The following YWHAE variants were observed in gnomAD, a reference collection of about 807,000 sequenced individuals.
The protein encoded by YWHAE is 14-3-3 protein epsilon.
YWHAE carries 4 observed loss-of-function variants against 30.1 expected under a neutral mutation model. That is an observed-to-expected ratio of 0.13 (90% confidence interval 0.07 to 0.30). YWHAE has a LOEUF of 0.30. Ranked by LOEUF, YWHAE falls within the 10% of genes least tolerant of loss-of-function variation. YWHAE has a pLI of 1.00. For missense variants in YWHAE, 121 were observed against 315.9 expected (o/e 0.38, Z 4.68); for synonymous variants, 118 against 111.8 (o/e 1.06, Z -0.35).
intron 1 of YWHAE, among the ~76,000 whole-genome samples, chr17:1,397,456 C>T (rs2073491455): frequency 6.6e-6 from 1 of 152,080 alleles, no homozygotes; most frequent in Admixed American, 6.6e-5. Flanking sequence ...TTAAATAATC[C>T]ATATAAATTG....
chr17:1,390,149 T>G (rs569577965), intron 1 of YWHAE, among the ~76,000 whole-genome samples: 1 of 152,154 alleles, frequency 6.6e-6, no homozygotes, highest in Non-Finnish European at 1.5e-5. Context: ...CAGCCTACAT[T>G]TTCATATTAC....
At chr17:1,379,135 G>A (rs1373910569) in intron 1 of YWHAE, among the ~76,000 whole-genome samples, 1 of 152,066 alleles carries the variant, frequency 6.6e-6, no homozygotes, top group African/African-American at 2.4e-5. Context: ...TCACTTTAAG[G>A]TTGACTATAC....
chr17:1,346,093 A>T (rs1003508732), intron 5 of YWHAE, among the ~76,000 whole-genome samples: 5 of 152,178 alleles, frequency 3.3e-5, no homozygotes, highest in Admixed American at 2.0e-4. Flanking sequence ...CTCAAAGTAA[A>T]TCAGACCACT....
At chr17:1,354,163 A>C (rs2072688449) in intron 5 of YWHAE, 48 bp downstream of exon 5, 1 of 1,598,592 alleles carries the variant, frequency 6.3e-7, no homozygotes, top group Non-Finnish European at 8.5e-7. Flanking sequence ...GAGTACAAAC[A>C]AATCCTGCAA....
chr17:1,394,439 A>G (rs2073434056), intron 1 of YWHAE, among the ~76,000 whole-genome samples: 1 of 48,292 alleles, frequency 2.1e-5, no homozygotes, highest in Admixed American at 3.4e-4. Flanking sequence ...AAATCCACAA[A>G]AAAAAAAAAA....
chr17:1,363,364 C>G (rs2072892775), intron 2 of YWHAE, among the ~76,000 whole-genome samples: 1 of 152,160 alleles, frequency 6.6e-6, no homozygotes, highest in African/African-American at 2.4e-5. Flanking sequence ...CTCCTGGGTT[C>G]AAGCGATTCT....
At position 1,354,218 on chromosome 17, in the gene YWHAE, C is replaced by G. The variant is rs1433901047; in HGVS notation, c.708G>C (p.Gln236His). ...DNLTLWTSDM[Q>H]GDGEEQNKEA... ...CACTCCGTGCTTGCTTACCGTCACCCTGCATGTCTGAAGTCCATAGTGTCA... is the reference window on the plus strand; with the variant it reads ...CACTCCGTGCTTGCTTACCGTCACCGTGCATGTCTGAAGTCCATAGTGTCA... The change falls in exon 5 of 6, where the codon CAG becomes CAC. Residue 236 changes from glutamine to histidine, a missense_variant. Physicochemically the swap from Gln to His is conservative, Grantham distance 24 (BLOSUM62 0). Around this residue, in one of 2 missense-constraint regions of YWHAE, gnomAD observed 22 missense variants for 26.6 expected, o/e 0.83. Transcript: ENST00000264335. The G allele has an allele frequency of 6.2e-7, 1 of 1,613,400 alleles. No homozygotes were observed. The highest frequency in any genetic ancestry group is 8.5e-7 in the Non-Finnish European group (1 of 1,179,780).
At chr17:1,378,235 G>A (rs1371381776) in intron 1 of YWHAE, among the ~76,000 whole-genome samples, 1 of 152,184 alleles carries the variant, frequency 6.6e-6, no homozygotes, top group Non-Finnish European at 1.5e-5. Context: ...GGATACTTCT[G>A]ACCCCATGAA....
chr17:1,390,615 G>A (rs2073375457), intron 1 of YWHAE, among the ~76,000 whole-genome samples: 1 of 152,206 alleles, frequency 6.6e-6, no homozygotes, highest in Non-Finnish European at 1.5e-5. Context: ...CCATTTGAAA[G>A]ATAAGGAACC....
At chr17:1,390,007 C>A (rs2073366332) in intron 1 of YWHAE, among the ~76,000 whole-genome samples, 1 of 152,096 alleles carries the variant, frequency 6.6e-6, no homozygotes. Context: ...CCACTTCAAG[C>A]TAATTTTGTA....
rs942587744 is a variant in YWHAE, at chr17:1,358,108, G to A, written c.578+2984C>T. Among the ~76,000 whole-genome samples the A allele has an allele frequency of 5.9e-5, 9 of 152,022 alleles. 1 individual carries two copies. In the South Asian group the frequency reaches 6.2e-4, roughly 11 times the overall value. On this transcript the variant is annotated intron_variant, in intron 4 of 5. Transcript: ENST00000264335. The stretch of plus-strand genomic sequence containing the variant: ...CATGAATTCAAAAATGGGCAAAAGG[G>A]CCTGGTGCAGTGGCTCAGGCCTGTA...
intron 4 of YWHAE, among the ~76,000 whole-genome samples, chr17:1,358,671 C>T (rs2072801839): frequency 6.6e-6 from 1 of 151,798 alleles, no homozygotes; most frequent in African/African-American, 2.4e-5. Flanking sequence ...ACTAAAAATG[C>T]CCCCAAAAAT....
chr17:1,399,579 A>C, intron 1 of YWHAE: 1 of 183,426 alleles, frequency 5.5e-6, no homozygotes, highest in Non-Finnish European at 1.2e-5. Flanking sequence ...CACCCGCCAT[A>C]TTTCCCTGAA....
chr17:1,359,945 GGGGGGAGAGA>G lies in YWHAE; in HGVS notation c.578+1137_578+1146del, dbSNP rs1567962595. On this transcript the variant is annotated intron_variant, in intron 4 of 5. Transcript: ENST00000264335. ...AGGGGGAGGGGGGGAGGAGGGGGAG[GGGGGGAGAGA>G]GGGGGAGAGAGAGAGAGAGAGATTT... 3.6e-3 allele frequency among the ~76,000 whole-genome samples: 300 copies of G among 83,578 alleles called. 16 individuals are homozygous for G. Among genetic ancestry groups the G allele is most frequent in the African/African-American group, 0.012 (272 of 22,204 alleles). The allele number at this position is 83,578 out of a possible 152,430, so 54.8% of individuals were successfully genotyped here. A position where few individuals can be genotyped will look rare whatever the true frequency, so the allele number is the denominator to read the frequency against.
At chr17:1,390,106 AG>A (rs1304603327) in intron 1 of YWHAE, among the ~76,000 whole-genome samples, 15 of 152,272 alleles carry the variant, frequency 9.9e-5, no homozygotes, top group African/African-American at 3.6e-4. Context: ...GGCCTCCCAA[AG>A]TGCTGGGATT....
intron 1 of YWHAE, among the ~76,000 whole-genome samples, chr17:1,384,432 C>G (rs2073267502): frequency 6.6e-6 from 1 of 151,728 alleles, no homozygotes; most frequent in African/African-American, 2.4e-5. Context: ...TGGCTCACGC[C>G]TGTAATCCCA....
At position 1,390,666 on chromosome 17, in the gene YWHAE, T is replaced by A. The variant is rs543069230; in HGVS notation, c.64+9381A>T. ...ATTCTGTGATGGCAGATTTACCACA[T>A]CTGCCAAATGATGAAATACTGTCAT... On this transcript the variant is annotated intron_variant, in intron 1 of 5. Coordinates refer to ENST00000264335, the MANE Select transcript of YWHAE (RefSeq NM_006761.5). 2.1e-4 allele frequency among the ~76,000 whole-genome samples: 32 copies of A among 152,348 alleles called. No individual in the cohort carries two copies. In the Middle Eastern group the frequency reaches 0.01, roughly 49 times the overall value.
chr17:1,400,205 A>G lies in YWHAE; in HGVS notation c.-95T>C. Reference sequence around the variant, plus strand: ...CTCGCTCCGCGTCCGGGCAGCAAAAATGGCGGCGCCTCAATCCGGGACTTC... The same window carrying G: ...CTCGCTCCGCGTCCGGGCAGCAAAAGTGGCGGCGCCTCAATCCGGGACTTC... On this transcript the variant is annotated 5_prime_UTR_variant, in exon 1 of 6. Transcript: ENST00000264335. 6.8e-7 allele frequency: 1 copy of G among 1,469,688 alleles called. No individual in the cohort carries two copies. The highest frequency in any genetic ancestry group is 9.5e-7 in the Non-Finnish European group (1 of 1,055,428). The allele number at this position is 1,469,688 out of a possible 1,614,324, so 91.0% of individuals were successfully genotyped here. A position where few individuals can be genotyped will look rare whatever the true frequency, so the allele number is the denominator to read the frequency against.
intron 4 of YWHAE, among the ~76,000 whole-genome samples, 174 bp from the exon 5 acceptor site, chr17:1,354,521 T>C (rs2072694898): frequency 6.6e-6 from 1 of 152,212 alleles, no homozygotes; most frequent in Non-Finnish European, 1.5e-5. Flanking sequence ...GGAACACTAC[T>C]TCTTACTATG....
Sources: gnomAD v4.1 joint callset for allele counts (sites outside exome capture counted in the v4.1 genomes callset) on GRCh38, gnomAD v4.1.1 for gene constraint, gnomAD v4.1.1 regional missense constraint, MANE v1.5 for transcripts, NCBI Gene and HGNC (gene_info 2026-07-23, HGNC 2026-07-21) for gene names.